The following ITPR1 variants were observed in gnomAD, a reference collection of about 807,000 sequenced individuals.
The protein encoded by ITPR1 is inositol 1,4,5-trisphosphate-gated calcium channel ITPR1.
A neutral mutation model predicts 318.4 loss-of-function variants in ITPR1; 96 were observed. That is an observed-to-expected ratio of 0.30 (90% CI 0.26 to 0.36). The LOEUF (loss-of-function observed/expected upper bound fraction) is 0.36, where lower values mean the gene tolerates loss of function less well. Among genes scored for constraint, ITPR1 ranks in the 10% least tolerant of loss-of-function variants. ITPR1 has a pLI of 1.00. For missense variants in ITPR1, 2,440 were observed against 3,460.2 expected (o/e 0.71, Z 7.40); for synonymous variants, 1,312 against 1,289.9 (o/e 1.02, Z -0.37).
At chr3:4,739,896 T>C (rs2043574561) in intron 44 of ITPR1, among the ~76,000 whole-genome samples, 1 of 152,192 alleles carries the variant, frequency 6.6e-6, no homozygotes, top group African/African-American at 2.4e-5. Flanking sequence ...CTGGGGGTAC[T>C]GCCTGGAGTG....
At position 4,846,436 on chromosome 3, in the gene ITPR1, G is replaced by C; in HGVS notation, c.*211G>C. On this transcript the variant is annotated 3_prime_UTR_variant, in exon 62 of 62. Coordinates refer to ENST00000649015, the MANE Select transcript of ITPR1 (RefSeq NM_001378452.1). ...GTTGGCATGATGACATTTCATTTGT[G>C]CCAAAAATATTAAAAATGCCTTTTT... The C allele has an allele frequency of 2.7e-6, 1 of 371,920 alleles. No individual in the cohort carries two copies. The highest frequency in any genetic ancestry group is 4.8e-6 in the Non-Finnish European group (1 of 209,214). The allele number at this position is 371,920 out of a possible 1,614,324, so 23.0% of individuals were successfully genotyped here. A position where few individuals can be genotyped will look rare whatever the true frequency, so the allele number is the denominator to read the frequency against.
chr3:4,681,504 A>G, intron 26 of ITPR1, 86 bp downstream of exon 26: 1 of 925,704 alleles, frequency 1.1e-6, no homozygotes, highest in Non-Finnish European at 1.8e-6. Context: ...GTTAGTAAAT[A>G]TTTAGTCTCT....
chr3:4,707,061 G>T (rs1288533223), intron 37 of ITPR1, among the ~76,000 whole-genome samples: 1 of 152,184 alleles, frequency 6.6e-6, no homozygotes, highest in Non-Finnish European at 1.5e-5. Context: ...TCCTGGCTCT[G>T]CCGCTTAGAA....
At chr3:4,578,953 G>A (rs1236721102) in intron 4 of ITPR1, among the ~76,000 whole-genome samples, 5 of 152,154 alleles carry the variant, frequency 3.3e-5, no homozygotes, top group African/African-American at 1.2e-4. Flanking sequence ...TTGTCGTTCT[G>A]AGGCTTCCAA....
intron 43 of ITPR1, among the ~76,000 whole-genome samples, chr3:4,733,777 C>CTGTG (rs2043092515): frequency 6.6e-6 from 1 of 152,164 alleles, no homozygotes; most frequent in Non-Finnish European, 1.5e-5. Flanking sequence ...AATGCCCATG[C>CTGTG]TGTGTACATC....
Position 4,661,942 on chromosome 3 carries a change from AT to A in ITPR1, c.1252-133del, listed in dbSNP as rs34042936. ...AACCATTTGGAGTACGTCCTTGTAG[AT>A]TTTTTTCCTATATCATTTTAACTGC... On this transcript the variant is annotated intron_variant, in intron 14 of 61. Coordinates refer to ENST00000649015, the MANE Select transcript of ITPR1 (RefSeq NM_001378452.1). The A allele has an allele frequency of 0.031, 20,161 of 644,608 alleles. 401 individuals are homozygous for A. Among genetic ancestry groups the A allele is most frequent in the Non-Finnish European group, 0.04 (15,882 of 394,794 alleles). The allele number at this position is 644,608 out of a possible 1,614,324, so 39.9% of individuals were successfully genotyped here. A position where few individuals can be genotyped will look rare whatever the true frequency, so the allele number is the denominator to read the frequency against.
chr3:4,542,922 GTTTTCTAA>G (rs1218008259), intron 4 of ITPR1, among the ~76,000 whole-genome samples: 1 of 152,092 alleles, frequency 6.6e-6, no homozygotes, highest in East Asian at 1.9e-4. Flanking sequence ...ATTTCAAAAT[GTTTTCTAA>G]TATTTCATCC....
intron 4 of ITPR1, among the ~76,000 whole-genome samples, chr3:4,608,996 G>A (rs562154532): frequency 8.6e-5 from 7 of 81,440 alleles, no homozygotes; most frequent in South Asian, 5.2e-4. Context: ...GTGAGACTCC[G>A]TCTTTAAAAA....
rs1050210697 is a variant in ITPR1, at chr3:4,803,204, G to A, written c.7107+2604G>A. The stretch of plus-strand genomic sequence containing the variant: ...CTATACTGTATCCGGGACAGGTGGC[G>A]CTAAACTATTTATGATCCAGTCACC... On this transcript the variant is annotated intron_variant, in intron 54 of 61. Coordinates refer to ENST00000649015, the MANE Select transcript of ITPR1 (RefSeq NM_001378452.1). Among the ~76,000 whole-genome samples the A allele has an allele frequency of 5.9e-5, 9 of 152,142 alleles. 1 individual carries two copies. The highest frequency in any genetic ancestry group is 5.8e-4 in the East Asian group (3 of 5,190).
intron 2 of ITPR1, among the ~76,000 whole-genome samples, chr3:4,512,005 A>C (rs2081866031): frequency 6.6e-6 from 1 of 152,078 alleles, no homozygotes. Flanking sequence ...TTATTTTTTC[A>C]CAGGCAGGGT....
intron 33 of ITPR1, among the ~76,000 whole-genome samples, chr3:4,695,449 A>G (rs1476266550): frequency 6.6e-6 from 1 of 152,204 alleles, no homozygotes; most frequent in Non-Finnish European, 1.5e-5. Context: ...ACTCAGTTGT[A>G]TACTGCAAGA....
intron 52 of ITPR1, among the ~76,000 whole-genome samples, chr3:4,788,718 G>C (rs910947690): frequency 6.6e-6 from 1 of 152,206 alleles, no homozygotes; most frequent in South Asian, 2.1e-4. Context: ...TCCCCAGGGG[G>C]CTTCTGTGTT....
intron 18 of ITPR1, among the ~76,000 whole-genome samples, chr3:4,668,161 A>C (rs1030152296): frequency 4.0e-5 from 6 of 149,346 alleles, no homozygotes; most frequent in African/African-American, 1.5e-4. Flanking sequence ...GGTCTTATTC[A>C]TTCTGTAATT....
intron 60 of ITPR1, among the ~76,000 whole-genome samples, chr3:4,824,744 G>GAGTT (rs2049962585): frequency 6.6e-6 from 1 of 152,126 alleles, no homozygotes; most frequent in African/African-American, 2.4e-5. Flanking sequence ...AGTAAGACAG[G>GAGTT]AGTTAGATGG....
At chr3:4,795,898 C>T (rs778212579) in intron 53 of ITPR1, among the ~76,000 whole-genome samples, 22 of 152,192 alleles carry the variant, frequency 1.4e-4, no homozygotes, top group Non-Finnish European at 4.4e-5. Context: ...GTGATACATT[C>T]ATGGCCCCTT....
chr3:4,550,300 G>A (rs1257442083), intron 4 of ITPR1, among the ~76,000 whole-genome samples: 1 of 152,190 alleles, frequency 6.6e-6, no homozygotes, highest in Admixed American at 6.5e-5. Flanking sequence ...CAGAAACACT[G>A]TAGGCACAGG....
intron 34 of ITPR1, among the ~76,000 whole-genome samples, chr3:4,699,285 A>G (rs1002421358): frequency 2.0e-5 from 3 of 152,158 alleles, no homozygotes; most frequent in African/African-American, 7.2e-5. Flanking sequence ...TGAACCTGGA[A>G]AATGAAGGCC....
chr3:4,669,890 G>T, intron 19 of ITPR1, 117 bp downstream of exon 19: 2 of 1,042,536 alleles, frequency 1.9e-6, no homozygotes. Flanking sequence ...AGTGTGGCTG[G>T]CATTTGATCT....
intron 4 of ITPR1, among the ~76,000 whole-genome samples, chr3:4,569,023 T>A (rs556194653): frequency 6.6e-6 from 1 of 152,192 alleles, no homozygotes; most frequent in South Asian, 2.1e-4. Flanking sequence ...CGACCAGATC[T>A]CTAGAGAACT....
Sources: allele counts gnomAD v4.1 joint callset (sites outside exome capture counted in the v4.1 genomes callset), GRCh38; gene constraint gnomAD v4.1.1; transcripts MANE v1.5; gene names NCBI Gene and HGNC (gene_info 2026-07-23, HGNC 2026-07-21).